CGNL1: variants seen among roughly 807,000 people sequenced by gnomAD.
CGNL1 encodes cingulin-like protein 1.
Under a neutral mutation model 141.2 loss-of-function variants are expected in CGNL1, and 132 were observed. The ratio of observed to expected loss-of-function variants is 0.93; its 90% CI spans 0.81 to 1.08. The LOEUF is 1.08. Among genes scored for constraint, CGNL1 ranks in the 50% least tolerant of loss-of-function variants. The pLI, the probability that CGNL1 is intolerant of heterozygous loss-of-function variation, is 0.00. For missense variants in CGNL1, 1,870 were observed against 1,588.6 expected (o/e 1.18, Z -3.01); for synonymous variants, 690 against 622.1 (o/e 1.11, Z -1.63).
intron 8 of CGNL1, among the ~76,000 whole-genome samples, chr15:57,495,843 A>T (rs1324296158): frequency 6.6e-6 from 1 of 152,206 alleles, no homozygotes; most frequent in Non-Finnish European, 1.5e-5. Flanking sequence ...ATACCAAGTG[A>T]AGGCCAAGGG....
Position 57,547,481 on chromosome 15 carries a change from C to A in CGNL1, c.3900C>A (p.Ser1300Arg). ...YTFSKDSTVA[S>R]QI ...TCTCCAAGGACAGCACCGTCGCCAGCCAGATCTGAGTGCTCTCCCGGGCTG... is the reference window on the plus strand; with the variant it reads ...TCTCCAAGGACAGCACCGTCGCCAGACAGATCTGAGTGCTCTCCCGGGCTG... Residue 1300 changes from serine (S) to arginine (R), a missense_variant, in exon 19 of 19, where the codon AGC (serine) becomes AGA (arginine). Transcript: ENST00000281282. The A allele has an allele frequency of 6.2e-7, 1 of 1,613,870 alleles. No individual in the cohort carries two copies. The highest frequency in any genetic ancestry group is 8.5e-7 in the Non-Finnish European group (1 of 1,179,872).
At chr15:57,377,273 G>A (rs545998721) in intron 1 of CGNL1, 1 of 152,298 alleles carries the variant, frequency 6.6e-6, no homozygotes, top group South Asian at 2.1e-4. Flanking sequence ...CTCTGCTTAT[G>A]CCGCTCAAAA....
rs369865226 is a variant in CGNL1, at chr15:57,439,649, A to C, written c.1602+48A>C. The stretch of plus-strand genomic sequence containing the variant: ...TTGGTTTTTTTTCTCTTCCTTCTAA[A>C]TAATGTAATGATGTACTTATGCTGC... On this transcript the variant is annotated intron_variant, in intron 2 of 18. Transcript: ENST00000281282. The C allele has an allele frequency of 3.2e-6, 5 of 1,558,332 alleles. No homozygotes were observed. The African/African-American group carries it at 6.8e-5, about 21-fold the overall frequency.
At chr15:57,430,978 T>C (rs2063038135) in intron 1 of CGNL1, among the ~76,000 whole-genome samples, 1 of 152,200 alleles carries the variant, frequency 6.6e-6, no homozygotes, top group Non-Finnish European at 1.5e-5. Flanking sequence ...TGCCTCAGCC[T>C]CCCAAAGTGC....
At chr15:57,399,813 T>C (rs1453678621) in intron 1 of CGNL1, among the ~76,000 whole-genome samples, 8 of 152,126 alleles carry the variant, frequency 5.3e-5, no homozygotes, top group African/African-American at 1.9e-4. Flanking sequence ...GCCCAGGAGT[T>C]TGAGACCAGC....
At chr15:57,399,178 C>T (rs2062633319) in intron 1 of CGNL1, among the ~76,000 whole-genome samples, 2 of 152,282 alleles carry the variant, frequency 1.3e-5, no homozygotes, top group South Asian at 2.1e-4. Context: ...TCACCTCAAA[C>T]ATTTGTCAGT....
chr15:57,526,986 TA>T, intron 12 of CGNL1, among the ~76,000 whole-genome samples: 1 of 152,372 alleles, frequency 6.6e-6, no homozygotes, highest in South Asian at 2.1e-4. Flanking sequence ...ATTCTCATAA[TA>T]GCTTTAGAAG....
chr15:57,428,713 CTAAAG>C (rs1435827533), intron 1 of CGNL1, among the ~76,000 whole-genome samples: 1 of 152,000 alleles, frequency 6.6e-6, no homozygotes, highest in African/African-American at 2.4e-5. Flanking sequence ...AAAAAAATGT[CTAAAG>C]TAAAGGTCAT....
In CGNL1 at chr15:57,418,966, C is replaced by T. The variant is rs979983227; in HGVS notation, c.-15-19019C>T. On this transcript the variant is annotated intron_variant, in intron 1 of 18. Transcript: ENST00000281282. ...TTTTTGAGACAGAGTCTTGCTCTGTCGCTCAGGCTGGTGTGCAGTGGCGCA... is the reference window on the plus strand; with the variant it reads ...TTTTTGAGACAGAGTCTTGCTCTGTTGCTCAGGCTGGTGTGCAGTGGCGCA... Among the ~76,000 whole-genome samples the T allele has an allele frequency of 3.3e-5, 5 of 151,116 alleles. No individual in the cohort carries two copies. In the East Asian group the frequency reaches 5.9e-4, roughly 18 times the overall value.
chr15:57,522,711 G>A (rs2031347311), intron 10 of CGNL1, among the ~76,000 whole-genome samples: 1 of 152,180 alleles, frequency 6.6e-6, no homozygotes, highest in South Asian at 2.1e-4. Flanking sequence ...TTTACATAAA[G>A]AACATAAGTC....
At chr15:57,529,430 G>C (rs1393855703) in intron 13 of CGNL1, among the ~76,000 whole-genome samples, 1 of 152,106 alleles carries the variant, frequency 6.6e-6, no homozygotes, top group Admixed American at 6.5e-5. Flanking sequence ...CCACATATTA[G>C]AAAAATGTAA....
At chr15:57,420,007 A>G (rs1032600978) in intron 1 of CGNL1, among the ~76,000 whole-genome samples, 1 of 152,174 alleles carries the variant, frequency 6.6e-6, no homozygotes, top group Non-Finnish European at 1.5e-5. Flanking sequence ...GAGTTATCCA[A>G]CACTATTTTT....
intron 1 of CGNL1, among the ~76,000 whole-genome samples, chr15:57,427,629 C>T (rs150424191): frequency 9.2e-5 from 14 of 152,268 alleles, no homozygotes; most frequent in African/African-American, 3.1e-4. Flanking sequence ...TTTGAGTGAC[C>T]GAGAAGAAAG....
At chr15:57,501,285 T>C (rs1255665717) in intron 8 of CGNL1, among the ~76,000 whole-genome samples, 1 of 152,206 alleles carries the variant, frequency 6.6e-6, no homozygotes, top group Non-Finnish European at 1.5e-5. Context: ...TACCTCTCAG[T>C]ACCTCAGTTT....
Position 57,469,938 on chromosome 15 carries a change from G to A in CGNL1, c.2403+8046G>A, listed in dbSNP as rs1236208653. Among the ~76,000 whole-genome samples, 3 of 152,252 alleles carry A rather than the reference G, an allele frequency of 2.0e-5. 1 individual carries two copies. In the South Asian group the frequency reaches 6.2e-4, roughly 32 times the overall value. On this transcript the variant is annotated intron_variant, in intron 8 of 18. Coordinates refer to ENST00000281282, the MANE Select transcript of CGNL1 (RefSeq NM_032866.5). ...AAAACCAGTGCTAATCTCAGGATCA[G>A]TGGAATCGCTTCCCTTAAGACATGG... is the stretch of plus-strand genomic sequence containing the variant.
At chr15:57,377,200 G>T (rs2062373486) in intron 1 of CGNL1, 2 of 152,334 alleles carry the variant, frequency 1.3e-5, no homozygotes, top group South Asian at 2.1e-4. Flanking sequence ...AGTTACACAG[G>T]ATTTTTGAAA....
chr15:57,467,812 C>A (rs2152341100), intron 8 of CGNL1, among the ~76,000 whole-genome samples: 1 of 151,172 alleles, frequency 6.6e-6, no homozygotes, highest in South Asian at 2.1e-4. Flanking sequence ...GCCTCATCCT[C>A]CTGAGTAGCT....
intron 1 of CGNL1, among the ~76,000 whole-genome samples, chr15:57,418,659 T>C (rs975008753): frequency 2.0e-5 from 3 of 152,210 alleles, no homozygotes; most frequent in African/African-American, 7.2e-5. Flanking sequence ...TCTAGTCCCC[T>C]GAGCTTGGAG....
chr15:57,433,107 C>T (rs1293620153), intron 1 of CGNL1, among the ~76,000 whole-genome samples: 1 of 152,136 alleles, frequency 6.6e-6, no homozygotes, highest in African/African-American at 2.4e-5. Context: ...ATACCACACA[C>T]AAAAAATTTC....
Sources: allele counts gnomAD v4.1 joint callset (sites outside exome capture counted in the v4.1 genomes callset), GRCh38; gene constraint gnomAD v4.1.1; transcripts MANE v1.5; gene names NCBI Gene and HGNC (gene_info 2026-07-23, HGNC 2026-07-21).